The following USH2A variants were observed in gnomAD, a reference collection of about 807,000 sequenced individuals.
USH2A encodes the protein Usher syndrome 2A (autosomal recessive, mild).
In USH2A, 443 loss-of-function variants were observed where a neutral mutation model predicts 538.9. The observed-to-expected ratio is 0.82, with a 90% CI of 0.76 to 0.89. The LOEUF is 0.89. Among genes scored for constraint, USH2A ranks in the 40% least tolerant of loss-of-function variants. The probability of loss-of-function intolerance (pLI) is 0.00; values close to 1 mark genes in which losing one functional copy is unlikely to be tolerated. For synonymous variants in USH2A, 2,413 were observed against 2,273.5 expected (o/e 1.06, Z -1.75); for missense variants, 6,633 against 6,324.8 (o/e 1.05, Z -1.65).
chr1:216,411,708 C>G (rs761566848), intron 3 of USH2A, among the ~76,000 whole-genome samples: 5 of 152,100 alleles, frequency 3.3e-5, no homozygotes, highest in African/African-American at 4.8e-5. Context: ...ATCACATACT[C>G]TGGTGTCTGT....
At chr1:215,899,431 A>G (rs1268263519) in intron 40 of USH2A, among the ~76,000 whole-genome samples, 1 of 152,210 alleles carries the variant, frequency 6.6e-6, no homozygotes, top group Non-Finnish European at 1.5e-5. Flanking sequence ...ATGCTTTTAT[A>G]GAGGTAATTT....
intron 60 of USH2A, among the ~76,000 whole-genome samples, chr1:215,735,839 A>T (rs1396235489): frequency 6.6e-6 from 1 of 152,156 alleles, no homozygotes; most frequent in East Asian, 1.9e-4. Flanking sequence ...TGCCAGATGG[A>T]TTTGTCTTTC....
chr1:216,165,871 C>T (rs1021134444), intron 21 of USH2A, among the ~76,000 whole-genome samples: 1 of 144,796 alleles, frequency 6.9e-6, no homozygotes, highest in Non-Finnish European at 1.5e-5. Context: ...TGAATACGTT[C>T]TTTAGTGTTG....
At chr1:216,175,986 A>C (rs1227460331) in intron 20 of USH2A, among the ~76,000 whole-genome samples, 1 of 152,162 alleles carries the variant, frequency 6.6e-6, no homozygotes, top group Non-Finnish European at 1.5e-5. Flanking sequence ...CACTAAACCC[A>C]TAGGGCAGAG....
chr1:216,177,022 G>A (rs1007914134), intron 20 of USH2A, among the ~76,000 whole-genome samples: 6 of 152,106 alleles, frequency 3.9e-5, no homozygotes, highest in African/African-American at 1.4e-4. Flanking sequence ...GCATATATAT[G>A]TGTACATCTA....
In USH2A at chr1:215,843,078, A is replaced by G. The variant is rs188359377; in HGVS notation, c.9258+1216T>C. ...TTAGGAAGCTAGGTCTATGAGTCAG[A>G]GTAGGGGAGACTAAAGTGTTGGTTG... On this transcript the variant is annotated intron_variant, in intron 46 of 71. Transcript: ENST00000307340. Among the ~76,000 whole-genome samples, 334 of 152,244 alleles carry G rather than the reference A, an allele frequency of 2.2e-3. 1 individual carries two copies. Among genetic ancestry groups the G allele is most frequent in the African/African-American group, 7.7e-3 (318 of 41,552 alleles).
At chr1:216,279,318 C>T (rs1433188321) in intron 11 of USH2A, among the ~76,000 whole-genome samples, 2 of 152,070 alleles carry the variant, frequency 1.3e-5, no homozygotes. Context: ...TCAAGCCTAA[C>T]TTAATTTGGA....
At chr1:215,726,027 C>T (rs562262362) in intron 61 of USH2A, among the ~76,000 whole-genome samples, 1 of 152,254 alleles carries the variant, frequency 6.6e-6, no homozygotes, top group Admixed American at 6.5e-5. Context: ...TAGGCTCCTA[C>T]CCCTGAAAGT....
intron 4 of USH2A, among the ~76,000 whole-genome samples, chr1:216,353,620 A>G (rs1399649313): frequency 6.6e-6 from 1 of 152,142 alleles, no homozygotes; most frequent in Non-Finnish European, 1.5e-5. Context: ...TTTTTTGTTC[A>G]GAGTCAGTGA....
At chr1:215,911,201 C>T (rs1571804729) in intron 38 of USH2A, among the ~76,000 whole-genome samples, 1 of 151,930 alleles carries the variant, frequency 6.6e-6, no homozygotes, top group Non-Finnish European at 1.5e-5. Flanking sequence ...CTTTGAGTTA[C>T]AAACAATCTA....
At chr1:216,199,590 T>C in intron 17 of USH2A, 37 bp downstream of exon 17, 1 of 1,613,240 alleles carries the variant, frequency 6.2e-7, no homozygotes, top group Non-Finnish European at 8.5e-7. Context: ...CATTCATGTC[T>C]TGACCAAAAA....
At chr1:215,773,037 T>C (rs973313184) in intron 55 of USH2A, among the ~76,000 whole-genome samples, 1 of 152,078 alleles carries the variant, frequency 6.6e-6, no homozygotes. Flanking sequence ...GATACAGGAG[T>C]TAAGAAGAAA....
chr1:216,179,786 T>C (rs2034457958), intron 20 of USH2A, among the ~76,000 whole-genome samples: 1 of 152,080 alleles, frequency 6.6e-6, no homozygotes, highest in Non-Finnish European at 1.5e-5. Context: ...GGGGTAATGA[T>C]GAATTATTCG....
chr1:216,413,975 A>G (rs1287035010), intron 3 of USH2A, among the ~76,000 whole-genome samples: 5 of 152,140 alleles, frequency 3.3e-5, no homozygotes, highest in Non-Finnish European at 7.4e-5. Context: ...AAATGCCACT[A>G]AACACATATA....
intron 21 of USH2A, among the ~76,000 whole-genome samples, chr1:216,120,353 G>A (rs2033105915): frequency 6.9e-6 from 1 of 145,556 alleles, no homozygotes; most frequent in Non-Finnish European, 1.5e-5. Flanking sequence ...TGGCCAACAC[G>A]GTGAAACCCC....
intron 41 of USH2A, among the ~76,000 whole-genome samples, chr1:215,879,318 T>A (rs1346247925): frequency 6.6e-6 from 1 of 152,204 alleles, no homozygotes; most frequent in Non-Finnish European, 1.5e-5. Flanking sequence ...TGGCTTTCAG[T>A]CTTGCCACTT....
At chr1:215,939,351 A>C (rs2102504165) in intron 37 of USH2A, among the ~76,000 whole-genome samples, 1 of 152,294 alleles carries the variant, frequency 6.6e-6, no homozygotes, top group South Asian at 2.1e-4. Context: ...GAAAAAGGTT[A>C]ATTCATTCAG....
intron 35 of USH2A, among the ~76,000 whole-genome samples, chr1:215,976,924 A>G (rs1394347869): frequency 6.6e-6 from 1 of 151,466 alleles, no homozygotes; most frequent in Non-Finnish European, 1.5e-5. Flanking sequence ...TTTTAGTAGA[A>G]TCATTACCAA....
chr1:216,186,038 A>G (rs1427892183), intron 20 of USH2A, among the ~76,000 whole-genome samples: 1 of 151,834 alleles, frequency 6.6e-6, no homozygotes, highest in Non-Finnish European at 1.5e-5. Flanking sequence ...TCTGCTGGGC[A>G]GGTGAAGAAT....
Sources: allele counts gnomAD v4.1 joint callset (sites outside exome capture counted in the v4.1 genomes callset), GRCh38; gene constraint gnomAD v4.1.1; transcripts MANE v1.5; gene names NCBI Gene and HGNC (gene_info 2026-07-23, HGNC 2026-07-21).